TENM2: variants seen among roughly 807,000 people sequenced by gnomAD.
The protein encoded by TENM2 is teneurin-2.
TENM2 carries 52 observed loss-of-function variants against 245.2 expected under a neutral mutation model. That is an observed-to-expected ratio of 0.21 (90% CI 0.17 to 0.27). The LOEUF (loss-of-function observed/expected upper bound fraction) is 0.27, where lower values mean the gene tolerates loss of function less well. Among genes scored for constraint, TENM2 ranks in the 10% least tolerant of loss-of-function variants. The pLI, the probability that TENM2 is intolerant of heterozygous loss-of-function variation, is 1.00. For missense variants in TENM2, 3,046 were observed against 3,666.8 expected (o/e 0.83, Z 4.37); for synonymous variants, 1,363 against 1,438.9 (o/e 0.95, Z 1.19).
chr5:167,300,351 T>G (rs1277617187), intron 1 of TENM2, among the ~76,000 whole-genome samples: 1 of 152,022 alleles, frequency 6.6e-6, no homozygotes, highest in African/African-American at 2.4e-5. Context: ...TCAGTCCAAG[T>G]GAAAGCGAAG....
At chr5:167,185,525 A>G in the TENM2 span, among the ~76,000 whole-genome samples, 12 of 152,218 alleles carry the variant, frequency 7.9e-5, no homozygotes, top group Non-Finnish European at 8.8e-5. Context: ...TCCAACATAT[A>G]TTTGAATATT....
At chr5:168,099,212 G>GT (rs765623546) in intron 9 of TENM2, among the ~76,000 whole-genome samples, 91 of 151,108 alleles carry the variant, frequency 6.0e-4, no homozygotes, top group Non-Finnish European at 9.7e-4. Context: ...GCCCGGCCTC[G>GT]TTTTTTTTTA....
chr5:167,727,703 T>C (rs1582854023), intron 2 of TENM2, among the ~76,000 whole-genome samples: 1 of 152,242 alleles, frequency 6.6e-6, no homozygotes, highest in African/African-American at 2.4e-5. Flanking sequence ...TATCTGTAAA[T>C]ATTCAAACTC....
At chr5:168,131,440 C>A (rs1006544867) in intron 12 of TENM2, among the ~76,000 whole-genome samples, 2 of 152,192 alleles carry the variant, frequency 1.3e-5, no homozygotes, top group African/African-American at 4.8e-5. Flanking sequence ...TTCCCTGTAT[C>A]GCACTGGGCC....
At chr5:167,911,513 C>T (rs938055696) in intron 3 of TENM2, among the ~76,000 whole-genome samples, 1 of 152,134 alleles carries the variant, frequency 6.6e-6, no homozygotes, top group South Asian at 2.1e-4. Context: ...GGCGACAGAG[C>T]GAGACTCCGT....
chr5:167,010,552 AT>A, the TENM2 span, among the ~76,000 whole-genome samples: 1 of 152,212 alleles, frequency 6.6e-6, no homozygotes, highest in African/African-American at 2.4e-5. Flanking sequence ...ATAATTTATT[AT>A]TTCAAAAACT....
chr5:167,947,887 T>C (rs1048694810), intron 3 of TENM2, among the ~76,000 whole-genome samples: 2 of 152,162 alleles, frequency 1.3e-5, no homozygotes, highest in African/African-American at 2.4e-5. Context: ...TTCATATATT[T>C]TATCATCATT....
At chr5:167,207,595 A>G in the TENM2 span, among the ~76,000 whole-genome samples, 1 of 152,196 alleles carries the variant, frequency 6.6e-6, no homozygotes, top group Non-Finnish European at 1.5e-5. Context: ...CACAGGGGCT[A>G]GCAATTGTTT....
At chr5:167,330,713 A>C (rs2127789616) in intron 1 of TENM2, among the ~76,000 whole-genome samples, 1 of 152,350 alleles carries the variant, frequency 6.6e-6, no homozygotes, top group South Asian at 2.1e-4. Flanking sequence ...TCCAGGAGAC[A>C]ACAGCAATGC....
chr5:167,186,974 T>C, the TENM2 span, among the ~76,000 whole-genome samples: 6 of 152,146 alleles, frequency 3.9e-5, no homozygotes, highest in South Asian at 1.2e-3. Flanking sequence ...ATCCTTGCTG[T>C]TGTTGTTGTG....
chr5:167,857,101 T>C (rs977565885), intron 2 of TENM2, among the ~76,000 whole-genome samples: 2 of 152,078 alleles, frequency 1.3e-5, no homozygotes, highest in African/African-American at 4.8e-5. Flanking sequence ...TATGTGTTCA[T>C]TGAATGAACT....
chr5:167,394,140 C>T (rs1761920701), intron 2 of TENM2, among the ~76,000 whole-genome samples: 1 of 152,086 alleles, frequency 6.6e-6, no homozygotes, highest in South Asian at 2.1e-4. Context: ...GAGGTAGTCC[C>T]ACCTATTTTT....
At chr5:168,181,131 A>G (rs1220319263) in intron 13 of TENM2, among the ~76,000 whole-genome samples, 1 of 152,216 alleles carries the variant, frequency 6.6e-6, no homozygotes, top group South Asian at 2.1e-4. Context: ...ACCTTAGGAC[A>G]CGGGATGAGA....
intron 7 of TENM2, among the ~76,000 whole-genome samples, chr5:168,077,428 C>CT (rs796531880): frequency 2.0e-4 from 29 of 147,096 alleles, no homozygotes; most frequent in South Asian, 8.7e-4. Context: ...GTCTCCCACT[C>CT]TTTTTTTTTT....
chr5:167,325,241 A>C (rs537874671), intron 1 of TENM2, among the ~76,000 whole-genome samples: 1 of 152,236 alleles, frequency 6.6e-6, no homozygotes, highest in Non-Finnish European at 1.5e-5. Flanking sequence ...TGACATTTTT[A>C]AATAGAGCGT....
At chr5:167,774,735 T>C (rs1763641559) in intron 2 of TENM2, among the ~76,000 whole-genome samples, 1 of 152,190 alleles carries the variant, frequency 6.6e-6, no homozygotes, top group African/African-American at 2.4e-5. Flanking sequence ...AGAAATGCCA[T>C]ACCAGTGGAT....
At chr5:167,836,939 TTATATAAACTACTAGTAG>T (rs1769053231) in intron 2 of TENM2, among the ~76,000 whole-genome samples, 1 of 152,166 alleles carries the variant, frequency 6.6e-6, no homozygotes, top group Admixed American at 6.5e-5. Flanking sequence ...TTTCATATAG[TTATATAAACTACTAGTAG>T]TATATAAACT....
chr5:167,808,880 C>T (rs1229010912), intron 2 of TENM2, among the ~76,000 whole-genome samples: 1 of 152,124 alleles, frequency 6.6e-6, no homozygotes, highest in Non-Finnish European at 1.5e-5. Context: ...TGTAAAGTGT[C>T]TATGACAATA....
chr5:167,464,887 TGTGCTGAACTATTCCAATTTAA>T (rs1766545548), intron 2 of TENM2, among the ~76,000 whole-genome samples: 1 of 152,236 alleles, frequency 6.6e-6, no homozygotes, highest in Admixed American at 6.5e-5. Flanking sequence ...TTGTTGAAAA[TGTGCTGAACTATTCCAATTTAA>T]TTGAGATAAT....
Sources: gnomAD v4.1 joint callset for allele counts (sites outside exome capture counted in the v4.1 genomes callset) on GRCh38, gnomAD v4.1.1 for gene constraint, MANE v1.5 for transcripts, NCBI Gene and HGNC (gene_info 2026-07-23, HGNC 2026-07-21) for gene names.